Variants in FAM135A observed in about 807,000 individuals in gnomAD.
FAM135A encodes the protein family with sequence similarity 135 member A.
FAM135A carries 79 observed loss-of-function variants against 146.8 expected under a neutral mutation model. The observed-to-expected ratio is 0.54, with a 90% CI of 0.45 to 0.65. The LOEUF is 0.65. Among genes scored for constraint, FAM135A ranks in the 30% least tolerant of loss-of-function variants. FAM135A has a pLI of 0.00. For synonymous variants in FAM135A, 562 were observed against 603.6 expected, an observed-to-expected ratio of 0.93 and a Z score of 1.01; for missense variants, 1,623 against 1,758.2, an observed-to-expected ratio of 0.92 and a Z score of 1.38.
intron 4 of FAM135A, among the ~76,000 whole-genome samples, chr6:70,434,747 A>C (rs569605378): frequency 3.3e-5 from 5 of 152,214 alleles, no homozygotes; most frequent in African/African-American, 1.2e-4. Flanking sequence ...ATCTTTTATC[A>C]GACTTTGCAA....
chr6:70,553,700 A>AAG (rs200835400), intron 20 of FAM135A, among the ~76,000 whole-genome samples: 3 of 151,924 alleles, frequency 2.0e-5, no homozygotes, highest in Admixed American at 6.5e-5. Flanking sequence ...TTTTTTAAAA[A>AAG]GAAGCAGATA....
At chr6:70,484,030 A>G (rs1784189089) in intron 10 of FAM135A, among the ~76,000 whole-genome samples, 1 of 152,206 alleles carries the variant, frequency 6.6e-6, no homozygotes, top group South Asian at 2.1e-4. Flanking sequence ...CAAAAGAAAA[A>G]GGGTGTAAAG....
At chr6:70,547,321 A>G (rs949176532) in intron 20 of FAM135A, among the ~76,000 whole-genome samples, 2 of 152,228 alleles carry the variant, frequency 1.3e-5, no homozygotes, top group African/African-American at 2.4e-5. Flanking sequence ...TATTTTAGGA[A>G]GAAAATTCAT....
chr6:70,528,362 C>G lies in FAM135A; in HGVS notation c.3685C>G (p.Leu1229Val), dbSNP rs1374705761. The stretch of plus-strand genomic sequence containing the variant: ...GTTCATGTACAGTGAAGTTCCTCTG[C>G]TGGCATCCTCAGTACCTTATTTTAG... ...PGFMYSEVPL[L>V]ASSVPYFSVE... The change falls in exon 16 of 22, where the codon CTG becomes GTG. Residue 1229 changes from leucine (L) to valine (V), a missense_variant. Around this residue, in one of 7 missense-constraint regions of FAM135A, gnomAD observed 1,061 missense variants for 1,113.8 expected, o/e 0.95. Coordinates refer to ENST00000418814, the MANE Select transcript of FAM135A (RefSeq NM_001162529.3). 2 of 1,613,724 alleles carry G rather than the reference C, an allele frequency of 1.2e-6. No homozygotes were observed.
At chr6:70,476,787 G>T (rs1782701145) in intron 7 of FAM135A, among the ~76,000 whole-genome samples, 1 of 151,918 alleles carries the variant, frequency 6.6e-6, no homozygotes, top group Non-Finnish European at 1.5e-5. Context: ...AATATCCTTT[G>T]GGATTTATTA....
intron 4 of FAM135A, among the ~76,000 whole-genome samples, chr6:70,441,020 G>A (rs962969637): frequency 1.3e-4 from 20 of 152,080 alleles, no homozygotes; most frequent in Admixed American, 8.5e-4. Flanking sequence ...TGTTGTTGCC[G>A]TAGCATATTA....
In FAM135A at chr6:70,528,217, A is replaced by G. The variant is rs559793064; in HGVS notation, c.3615-75A>G. The stretch of plus-strand genomic sequence containing the variant: ...ATATTGTTGGGTTTCCACTTCTACA[A>G]TTCTCTAAATTCAGGAGGGTTCTAA... On this transcript the variant is annotated intron_variant, in intron 15 of 21. Coordinates refer to ENST00000418814, the MANE Select transcript of FAM135A (RefSeq NM_001162529.3). 7.1e-6 allele frequency: 10 copies of G among 1,402,878 alleles called. No individual in the cohort carries two copies. The African/African-American group carries it at 1.0e-4, about 14-fold the overall frequency. 86.9% of individuals were successfully genotyped at this position (1,402,878 alleles called of 1,614,324 possible).
intron 11 of FAM135A, among the ~76,000 whole-genome samples, chr6:70,501,835 T>C (rs1788632544): frequency 6.6e-6 from 1 of 152,178 alleles, no homozygotes; most frequent in African/African-American, 2.4e-5. Flanking sequence ...GGTACCTCAG[T>C]TGGAAATGCA....
chr6:70,523,752 G>A (rs1362963580), intron 13 of FAM135A, among the ~76,000 whole-genome samples: 1 of 152,112 alleles, frequency 6.6e-6, no homozygotes, highest in African/African-American at 2.4e-5. Flanking sequence ...ATAATTAGCA[G>A]TCTGTAATTT....
chr6:70,520,275 TATG>T (rs1793267307), intron 12 of FAM135A, among the ~76,000 whole-genome samples: 1 of 152,096 alleles, frequency 6.6e-6, no homozygotes, highest in African/African-American at 2.4e-5. Flanking sequence ...GAAACAATTT[TATG>T]ATAATTTTGC....
At chr6:70,468,078 A>C (rs1021219772) in intron 5 of FAM135A, among the ~76,000 whole-genome samples, 2 of 152,272 alleles carry the variant, frequency 1.3e-5, no homozygotes, top group Middle Eastern at 3.4e-3. Context: ...CTTTGAAGTC[A>C]GTATTGATAG....
intron 11 of FAM135A, among the ~76,000 whole-genome samples, chr6:70,497,035 C>G (rs922783474): frequency 6.6e-6 from 1 of 152,006 alleles, no homozygotes; most frequent in Non-Finnish European, 1.5e-5. Context: ...TTTTCTAATT[C>G]TGTGAAGAAA....
chr6:70,545,362 C>T (rs1274808089), intron 20 of FAM135A, among the ~76,000 whole-genome samples: 1 of 152,008 alleles, frequency 6.6e-6, no homozygotes, highest in East Asian at 1.9e-4. Context: ...CATGTAATCC[C>T]AGCACTTTGA....
intron 20 of FAM135A, among the ~76,000 whole-genome samples, chr6:70,548,219 T>A (rs556531252): frequency 6.6e-6 from 1 of 152,314 alleles, no homozygotes; most frequent in African/African-American, 2.4e-5. Flanking sequence ...AAAAGGGCCA[T>A]AATATATTTA....
chr6:70,420,853 T>C (rs1043459311), intron 2 of FAM135A, among the ~76,000 whole-genome samples: 2 of 152,144 alleles, frequency 1.3e-5, no homozygotes, highest in Non-Finnish European at 2.9e-5. Flanking sequence ...GTATACTTTA[T>C]ACTTACAGCA....
At chr6:70,516,362 G>A (rs1792211037) in intron 12 of FAM135A, among the ~76,000 whole-genome samples, 1 of 152,024 alleles carries the variant, frequency 6.6e-6, no homozygotes, top group Admixed American at 6.5e-5. Flanking sequence ...GCATCTGCCT[G>A]TAGAAGGAGC....
chr6:70,529,530 A>G (rs1260833275), intron 16 of FAM135A, among the ~76,000 whole-genome samples: 1 of 151,944 alleles, frequency 6.6e-6, no homozygotes, highest in South Asian at 2.1e-4. Context: ...TCTTCAAAGA[A>G]TTATCCCCCA....
At chr6:70,449,162 G>C (rs1049517296) in intron 4 of FAM135A, among the ~76,000 whole-genome samples, 2 of 151,926 alleles carry the variant, frequency 1.3e-5, no homozygotes, top group Admixed American at 1.3e-4. Context: ...TTTAAAAGTT[G>C]TATATATGGA....
chr6:70,426,128 C>CA (rs34238314), intron 2 of FAM135A, among the ~76,000 whole-genome samples: 3,992 of 146,234 alleles, frequency 0.027, 79 homozygotes, highest in Non-Finnish European at 0.043. Context: ...AAAACAACAA[C>CA]AAAAAAAAAA....
Sources: gnomAD v4.1 joint callset for allele counts (sites outside exome capture counted in the v4.1 genomes callset) on GRCh38, gnomAD v4.1.1 for gene constraint, gnomAD v4.1.1 regional missense constraint, MANE v1.5 for transcripts, NCBI Gene and HGNC (gene_info 2026-07-23, HGNC 2026-07-21) for gene names.